GRIK3: variants seen among roughly 807,000 people sequenced by gnomAD.
GRIK3 encodes glutamate receptor ionotropic, kainate 3.
A neutral mutation model predicts 102.5 loss-of-function variants in GRIK3; 29 were observed. The observed-to-expected ratio is 0.28, with a 90% CI of 0.21 to 0.39. The LOEUF (loss-of-function observed/expected upper bound fraction) is 0.39, where lower values mean the gene tolerates loss of function less well. Ranked by LOEUF, GRIK3 falls within the 10% of genes least tolerant of loss-of-function variation. GRIK3 has a pLI of 1.00. For synonymous variants in GRIK3, 511 were observed against 504.9 expected, an observed-to-expected ratio of 1.01 and a Z score of -0.16; for missense variants, 908 against 1,252.4, an observed-to-expected ratio of 0.73 and a Z score of 4.15.
chr1:36,914,248 G>A (rs1641376121), intron 1 of GRIK3, among the ~76,000 whole-genome samples: 1 of 152,228 alleles, frequency 6.6e-6, no homozygotes, highest in Non-Finnish European at 1.5e-5. Context: ...GTAGAATGGA[G>A]AATGGACACC....
chr1:36,976,628 T>G (rs965848649), intron 1 of GRIK3, among the ~76,000 whole-genome samples: 1 of 152,162 alleles, frequency 6.6e-6, no homozygotes, highest in Non-Finnish European at 1.5e-5. Flanking sequence ...TGAAATCGAC[T>G]GCATCTCAAG....
intron 10 of GRIK3, among the ~76,000 whole-genome samples, chr1:36,835,315 A>G (rs749534945): frequency 2.6e-5 from 4 of 152,182 alleles, no homozygotes; most frequent in Admixed American, 1.3e-4. Flanking sequence ...CAAGATCCCA[A>G]TTGGTTCCCA....
chr1:36,999,237 G>T (rs1438364350), intron 1 of GRIK3, among the ~76,000 whole-genome samples: 1 of 152,136 alleles, frequency 6.6e-6, no homozygotes, highest in Non-Finnish European at 1.5e-5. Context: ...CAGAGTTGGG[G>T]GTCTGAGGGG....
chr1:37,032,721 C>T (rs1306710046), intron 1 of GRIK3, among the ~76,000 whole-genome samples: 2 of 152,182 alleles, frequency 1.3e-5, no homozygotes, highest in African/African-American at 2.4e-5. Flanking sequence ...AAGATCTCAG[C>T]GTGGGCAGAG....
chr1:36,797,496 G>C lies in GRIK3; in HGVS notation c.*4355C>G, dbSNP rs900133514. On this transcript the variant is annotated 3_prime_UTR_variant, in exon 16 of 16. Transcript: ENST00000373091. ...CCCTTCCATGGCAGCCAGCAGCCGG[G>C]CCACTTCCAGATGTGTCCACTTGAC... 2 of 152,118 alleles carry C rather than the reference G, an allele frequency of 1.3e-5. No homozygotes were observed. The highest frequency in any genetic ancestry group is 4.8e-5 in the African/African-American group (2 of 41,414). The allele number at this position is 152,118 out of a possible 1,614,324, so 9.4% of individuals were successfully genotyped here.
At chr1:36,879,715 C>A (rs1469473323) in intron 3 of GRIK3, among the ~76,000 whole-genome samples, 1 of 152,102 alleles carries the variant, frequency 6.6e-6, no homozygotes, top group African/African-American at 2.4e-5. Context: ...TCAGGTGGGT[C>A]CTACCCAGAA....
intron 13 of GRIK3, among the ~76,000 whole-genome samples, chr1:36,812,771 C>T (rs1378689307): frequency 5.3e-5 from 8 of 152,034 alleles, no homozygotes; most frequent in African/African-American, 7.3e-5. Context: ...TCAGTCAGGG[C>T]GTTTTTTTAA....
chr1:36,977,611 AG>A (rs1313604108), intron 1 of GRIK3, among the ~76,000 whole-genome samples: 4 of 152,188 alleles, frequency 2.6e-5, no homozygotes, highest in Non-Finnish European at 5.9e-5. Flanking sequence ...AGGTGGTCTT[AG>A]GGGAGGGGGC....
rs1642484333 is a variant in GRIK3 at position 36,805,089 on chromosome 1, G to A, written c.2463C>T (p.Ile821=). Reference sequence around the variant, plus strand: ...CGGCCAGGACAATGAAGATGCCCCCGATCTTCTGGATCCCCAGGGCACTGG... The same window carrying A: ...CGGCCAGGACAATGAAGATGCCCCCAATCTTCTGGATCCCCAGGGCACTGG... ...KEASALGIQK[I]GGIFIVLAAG... The change falls in exon 15 of 16, where the codon ATC becomes ATT. Residue 821 remains isoleucine, a synonymous_variant. Transcript: ENST00000373091. 1.2e-6 allele frequency: 2 copies of A among 1,614,196 alleles called. No homozygotes were observed. The highest frequency in any genetic ancestry group is 8.5e-7 in the Non-Finnish European group (1 of 1,180,034).
intron 1 of GRIK3, among the ~76,000 whole-genome samples, chr1:37,023,346 A>T (rs1216212063): frequency 1.3e-5 from 2 of 151,858 alleles, no homozygotes; most frequent in Non-Finnish European, 2.9e-5. Flanking sequence ...AAAAAGAAAG[A>T]AAGAAAAAGG....
intron 1 of GRIK3, among the ~76,000 whole-genome samples, chr1:37,014,907 G>GTT (rs1419075462): frequency 6.8e-5 from 9 of 131,448 alleles, no homozygotes; most frequent in Non-Finnish European, 1.3e-4. Context: ...CTCTATCTCT[G>GTT]TTTCTCTCTC....
At chr1:36,860,506 TC>T (rs1331291238) in intron 5 of GRIK3, among the ~76,000 whole-genome samples, 1 of 152,086 alleles carries the variant, frequency 6.6e-6, no homozygotes, top group Non-Finnish European at 1.5e-5. Flanking sequence ...CCCTCTTCTC[TC>T]CCCCTTTTCC....
Position 36,872,265 on chromosome 1 carries a change from T to G in GRIK3, c.655A>C (p.Lys219Gln). ...AATTCCCGGCCTCGCTTCATCTCCT[T>G]GAGCAAGGGGCGCGAGTCGTCAGAG... is the stretch of plus-strand genomic sequence containing the variant. ...IDSDDSRPLL[K>Q]EMKRGREFRI... Residue 219 changes from lysine to glutamine, a missense_variant, in exon 4 of 16, where the codon AAG (lysine) becomes CAG (glutamine). By Grantham distance (53) the Lys-to-Gln change is moderately conservative (BLOSUM62 1). Coordinates refer to ENST00000373091, the MANE Select transcript of GRIK3 (RefSeq NM_000831.4). The surrounding 1 kb of genome is among the most constrained non-coding windows in gnomAD (Gnocchi z 5.9). 6.2e-7 allele frequency: 1 copy of G among 1,612,988 alleles called. No individual in the cohort carries two copies. Among genetic ancestry groups the G allele is most frequent in the Non-Finnish European group, 8.5e-7 (1 of 1,179,544 alleles).
chr1:36,865,992 G>A (rs904969158), intron 5 of GRIK3, among the ~76,000 whole-genome samples: 1 of 152,182 alleles, frequency 6.6e-6, no homozygotes, highest in Non-Finnish European at 1.5e-5. Flanking sequence ...CAATCCTTCT[G>A]CCTCAGTTTG....
Position 37,034,167 on chromosome 1 carries a change from G to T in GRIK3, c.-59C>A. On this transcript the variant is annotated 5_prime_UTR_variant, in exon 1 of 16. It adds an upstream start codon to the 5' untranslated region. Coordinates refer to ENST00000373091, the MANE Select transcript of GRIK3 (RefSeq NM_000831.4). The stretch of plus-strand genomic sequence containing the variant: ...CCGTGGCGGGCTCCCTGGGGCGGCA[G>T]CTCTAGGCGCGGGCGCGCAGCAGCC... 1 of 710,976 alleles carries T rather than the reference G, an allele frequency of 1.4e-6. No individual in the cohort carries two copies. The highest frequency in any genetic ancestry group is 2.0e-6 in the Non-Finnish European group (1 of 493,160). The allele number at this position is 710,976 out of a possible 1,614,324, so 44.0% of individuals were successfully genotyped here.
chr1:36,975,779 A>G (rs1015265815), intron 1 of GRIK3, among the ~76,000 whole-genome samples: 1 of 152,200 alleles, frequency 6.6e-6, no homozygotes, highest in Non-Finnish European at 1.5e-5. Flanking sequence ...GCCGCTCATT[A>G]CAGCTGCAAA....
In GRIK3 at chr1:36,872,051, G is replaced by A. The variant is rs1570772029; in HGVS notation, c.732+137C>T. On this transcript the variant is annotated intron_variant, in intron 4 of 15. Transcript: ENST00000373091. The surrounding 1 kb of genome is among the most constrained non-coding windows in gnomAD (Gnocchi z 5.9). The stretch of plus-strand genomic sequence containing the variant: ...AGGCTCAGAGAGGCAAACCACCCAA[G>A]GTCACACAGCAGGAAAGTGGCAGAG... 1.3e-6 allele frequency: 1 copy of A among 781,338 alleles called. No individual in the cohort carries two copies. The highest frequency in any genetic ancestry group is 2.9e-5 in the East Asian group (1 of 34,832). 48.4% of individuals were successfully genotyped at this position (781,338 alleles called of 1,614,324 possible).
At chr1:36,834,883 GC>G (rs1310937159) in intron 10 of GRIK3, among the ~76,000 whole-genome samples, 1 of 152,182 alleles carries the variant, frequency 6.6e-6, no homozygotes, top group Non-Finnish European at 1.5e-5. Context: ...AGCAGCCTCT[GC>G]CATCCACCCA....
chr1:37,015,988 C>G (rs1642649373), intron 1 of GRIK3, among the ~76,000 whole-genome samples: 1 of 152,238 alleles, frequency 6.6e-6, no homozygotes, highest in African/African-American at 2.4e-5. Context: ...AGATTTCCTG[C>G]CCAGCACATG....
Sources: gnomAD v4.1 joint callset for allele counts (sites outside exome capture counted in the v4.1 genomes callset) on GRCh38, gnomAD v4.1.1 for gene constraint, Gnocchi (gnomAD v3.1) non-coding constraint, MANE v1.5 for transcripts, NCBI Gene and HGNC (gene_info 2026-07-23, HGNC 2026-07-21) for gene names.